NOS1AP: variants seen among roughly 807,000 people sequenced by gnomAD.
NOS1AP encodes carboxyl-terminal PDZ ligand of neuronal nitric oxide synthase protein.
Under a neutral mutation model 56.2 loss-of-function variants are expected in NOS1AP, and 21 were observed. That is an observed-to-expected ratio of 0.37 (90% CI 0.26 to 0.54). The LOEUF is 0.54. Among genes scored for constraint, NOS1AP ranks in the 20% least tolerant of loss-of-function variants. The pLI, the probability that NOS1AP is intolerant of heterozygous loss-of-function variation, is 0.84. For synonymous variants in NOS1AP, 270 were observed against 274.6 expected, an observed-to-expected ratio of 0.98 and a Z score of 0.17; for missense variants, 522 against 657.8, an observed-to-expected ratio of 0.79 and a Z score of 2.26.
At chr1:162,100,604 T>G (rs990837774) in intron 1 of NOS1AP, among the ~76,000 whole-genome samples, 11 of 151,016 alleles carry the variant, frequency 7.3e-5, no homozygotes, top group East Asian at 3.9e-4. Context: ...TCTGATGGTA[T>G]TTTCTTTTGC....
intron 1 of NOS1AP, among the ~76,000 whole-genome samples, chr1:162,132,932 CT>C (rs1648814864): frequency 6.6e-6 from 1 of 152,210 alleles, no homozygotes; most frequent in Non-Finnish European, 1.5e-5. Context: ...TGCTCTGGCT[CT>C]TCTGTCAGAG....
chr1:162,162,986 A>G (rs1650300660), intron 2 of NOS1AP, among the ~76,000 whole-genome samples: 2 of 152,126 alleles, frequency 1.3e-5, no homozygotes, highest in Admixed American at 6.5e-5. Flanking sequence ...CTAGCCCCAG[A>G]CTACTACTAA....
chr1:162,095,112 A>T (rs1692210236), intron 1 of NOS1AP, among the ~76,000 whole-genome samples: 1 of 152,108 alleles, frequency 6.6e-6, no homozygotes, highest in Non-Finnish European at 1.5e-5. Context: ...TCTTCTACAA[A>T]TTTCTTAGTG....
At chr1:162,251,910 T>C (rs1253100485) in intron 2 of NOS1AP, among the ~76,000 whole-genome samples, 1 of 138,272 alleles carries the variant, frequency 7.2e-6, no homozygotes, top group Non-Finnish European at 1.6e-5. Context: ...GGTCCCACTA[T>C]ATTGCCCAGG....
intron 6 of NOS1AP, among the ~76,000 whole-genome samples, chr1:162,354,904 A>G (rs1379977580): frequency 2.6e-5 from 4 of 152,196 alleles, no homozygotes; most frequent in Non-Finnish European, 5.9e-5. Flanking sequence ...CCCTTCTTCC[A>G]GTGTACCTTG....
intron 2 of NOS1AP, among the ~76,000 whole-genome samples, chr1:162,263,996 C>T (rs763730507): frequency 3.9e-5 from 6 of 152,222 alleles, no homozygotes; most frequent in Non-Finnish European, 8.8e-5. Context: ...CTGCTGCTCT[C>T]TCCGTCTCCA....
At chr1:162,330,596 A>G (rs934885178) in intron 4 of NOS1AP, among the ~76,000 whole-genome samples, 2 of 152,354 alleles carry the variant, frequency 1.3e-5, no homozygotes, top group Admixed American at 1.3e-4. Context: ...AAAGGTAGGT[A>G]CACCATGCTA....
chr1:162,290,301 T>A (rs1655246908), intron 3 of NOS1AP, among the ~76,000 whole-genome samples: 1 of 152,226 alleles, frequency 6.6e-6, no homozygotes, highest in South Asian at 2.1e-4. Flanking sequence ...TGGCTGTGAT[T>A]TGAATAATGC....
chr1:162,321,729 AAAAT>A (rs1442274849), intron 4 of NOS1AP, among the ~76,000 whole-genome samples: 9 of 127,810 alleles, frequency 7.0e-5, no homozygotes, highest in African/African-American at 1.6e-4. Flanking sequence ...TAAAAAAAAA[AAAAT>A]ATATATATAT....
At chr1:162,282,116 C>A (rs1048345651) in intron 2 of NOS1AP, among the ~76,000 whole-genome samples, 1 of 152,086 alleles carries the variant, frequency 6.6e-6, no homozygotes, top group Non-Finnish European at 1.5e-5. Flanking sequence ...AATAAAAATA[C>A]CATTTTAACC....
intron 1 of NOS1AP, among the ~76,000 whole-genome samples, chr1:162,142,890 A>G (rs555210770): frequency 4.6e-5 from 7 of 152,212 alleles, no homozygotes; most frequent in Non-Finnish European, 8.8e-5. Flanking sequence ...TCTAATCAAG[A>G]GAGTTTAAAA....
intron 2 of NOS1AP, among the ~76,000 whole-genome samples, chr1:162,221,379 T>C (rs1652763143): frequency 6.6e-6 from 1 of 152,204 alleles, no homozygotes; most frequent in Non-Finnish European, 1.5e-5. Context: ...TTCTCCTTTT[T>C]AAATTACAAC....
intron 1 of NOS1AP, among the ~76,000 whole-genome samples, chr1:162,079,791 T>C (rs186836455): frequency 2.0e-5 from 3 of 152,342 alleles, no homozygotes; most frequent in Non-Finnish European, 4.4e-5. Flanking sequence ...TCTGTTCTTT[T>C]ATAAGTCAGA....
At chr1:162,220,440 A>G (rs4333832) in intron 2 of NOS1AP, among the ~76,000 whole-genome samples, 150,697 of 152,236 alleles carry the variant, frequency 0.99, 74,603 homozygotes, top group Middle Eastern at 1. Context: ...CAGAGTGCGT[A>G]TTGGACCCAT....
Position 162,289,280 on chromosome 1 carries a change from T to TTCCTTCCTTC in NOS1AP, c.270+1844_270+1845insTCCTTCCTTC, listed in dbSNP as rs1557864931. Among the ~76,000 whole-genome samples, 45 of 36,458 alleles carry TTCCTTCCTTC rather than the reference T, an allele frequency of 1.2e-3. 2 individuals carry two copies. The highest frequency in any genetic ancestry group is 1.8e-3 in the Admixed American group (7 of 3,878). 23.9% of individuals were successfully genotyped at this position (36,458 alleles called of 152,430 possible). A position where few individuals can be genotyped will look rare whatever the true frequency, so the allele number is the denominator to read the frequency against. ...TCCTTCCTTCCTTCCTTCCTTCCTT[T>TTCCTTCCTTC]CCTTCCTTCCTTCTTCCTTCTTTCT... On this transcript the variant is annotated intron_variant, in intron 3 of 9. Coordinates refer to ENST00000361897, the MANE Select transcript of NOS1AP (RefSeq NM_014697.3).
At chr1:162,234,204 A>G (rs183471007) in intron 2 of NOS1AP, among the ~76,000 whole-genome samples, 55 of 152,320 alleles carry the variant, frequency 3.6e-4, no homozygotes, top group Non-Finnish European at 6.8e-4. Flanking sequence ...GTATCATTCC[A>G]GTACATGAAG....
chr1:162,086,783 C>G (rs893071548), intron 1 of NOS1AP, among the ~76,000 whole-genome samples: 1 of 152,160 alleles, frequency 6.6e-6, no homozygotes. Flanking sequence ...ACTTTCCCCT[C>G]CCAGCCATTC....
At chr1:162,341,611 A>G (rs1012107076) in intron 5 of NOS1AP, among the ~76,000 whole-genome samples, 9 of 152,196 alleles carry the variant, frequency 5.9e-5, no homozygotes, top group Non-Finnish European at 1.2e-4. Context: ...GTTTCTGTAT[A>G]GTGGACACTG....
At chr1:162,084,712 C>T (rs1279162292) in intron 1 of NOS1AP, among the ~76,000 whole-genome samples, 4 of 151,990 alleles carry the variant, frequency 2.6e-5, no homozygotes, top group African/African-American at 9.7e-5. Context: ...AGGGTCTCAC[C>T]CTGTCACCTG....
Sources: gnomAD v4.1 joint callset for allele counts (sites outside exome capture counted in the v4.1 genomes callset) on GRCh38, gnomAD v4.1.1 for gene constraint, MANE v1.5 for transcripts, NCBI Gene and HGNC (gene_info 2026-07-23, HGNC 2026-07-21) for gene names.